The following SEMA3E variants were observed in gnomAD, a reference collection of about 807,000 sequenced individuals.
SEMA3E encodes semaphorin-3E.
Under a neutral mutation model 93.6 loss-of-function variants are expected in SEMA3E, and 49 were observed. The ratio of observed to expected loss-of-function variants is 0.52; its 90% CI spans 0.42 to 0.66. The LOEUF (loss-of-function observed/expected upper bound fraction) is 0.66, where lower values mean the gene tolerates loss of function less well. Ranked by LOEUF, SEMA3E falls within the 30% of genes least tolerant of loss-of-function variation. The pLI is 0.00. For missense variants in SEMA3E, 906 were observed against 964.8 expected (o/e 0.94, Z 0.81); for synonymous variants, 363 against 330.7 (o/e 1.10, Z -1.06).
chr7:83,402,453 CA>C (rs1788249750), intron 10 of SEMA3E, among the ~76,000 whole-genome samples, 178 bp downstream of exon 10: 1 of 151,790 alleles, frequency 6.6e-6, no homozygotes, highest in African/African-American at 2.4e-5. Context: ...TATTAAATAA[CA>C]AGGATAAAAC....
intron 5 of SEMA3E, 146 bp downstream of exon 5, chr7:83,418,244 A>G (rs1390818981): frequency 4.3e-6 from 3 of 691,162 alleles, no homozygotes; most frequent in Non-Finnish European, 7.8e-6. Context: ...ATGGCTTGAA[A>G]TTTAATATCA....
intron 11 of SEMA3E, among the ~76,000 whole-genome samples, chr7:83,399,494 T>C (rs943931763): frequency 6.6e-6 from 1 of 152,154 alleles, no homozygotes; most frequent in African/African-American, 2.4e-5. Flanking sequence ...GGTGAAGGTA[T>C]TGTCCCAAGT....
chr7:83,648,449 G>A lies in SEMA3E; in HGVS notation c.94C>T (p.Arg32Trp), dbSNP rs774777538. 7 of 1,609,976 alleles carry A rather than the reference G, an allele frequency of 4.3e-6. No homozygotes were observed. In the African/African-American group the frequency reaches 8.1e-5, roughly 19 times the overall value. Residue 32 changes from arginine (R) to tryptophan (W), a missense_variant, in exon 1 of 17, where the codon CGG becomes TGG. Arg to Trp is a moderately radical substitution (Grantham distance 101). Transcript: ENST00000643230. ...CTACCTTTATGTGACAGGCGTAACC[G>A]GGGGTGGGTAGTATCAGCTGTATGA... is the stretch of plus-strand genomic sequence containing the variant. The part of the protein sequence containing the change: ...GGHTADTTHP[R>W]LRLSHKELLN...
At chr7:83,545,672 T>A (rs912082403) in intron 1 of SEMA3E, among the ~76,000 whole-genome samples, 5 of 150,916 alleles carry the variant, frequency 3.3e-5, no homozygotes, top group Non-Finnish European at 3.0e-5. Context: ...CTCTCTTGCC[T>A]CTACTGGGGA....
intron 4 of SEMA3E, among the ~76,000 whole-genome samples, chr7:83,453,218 C>CG (rs1410136728): frequency 6.6e-6 from 1 of 151,938 alleles, no homozygotes; most frequent in Non-Finnish European, 1.5e-5. Flanking sequence ...CTAGTAGAGA[C>CG]GGGGTTTCAC....
chr7:83,414,234 T>A (rs1399133578), intron 5 of SEMA3E, among the ~76,000 whole-genome samples: 1 of 152,168 alleles, frequency 6.6e-6, no homozygotes, highest in Non-Finnish European at 1.5e-5. Context: ...AGACAAATAT[T>A]CTAACTTCAT....
At position 83,423,230 on chromosome 7, in the gene SEMA3E, A is replaced by G. The variant is rs375936145; in HGVS notation, c.457-4747T>C. On this transcript the variant is annotated intron_variant, in intron 4 of 16. Transcript: ENST00000643230. ...TCTACCTTAGTCTGTGAAAGGATAT[A>G]TTCTTTTATAAAAATCTCAAGTTTG... 3.2e-4 allele frequency among the ~76,000 whole-genome samples: 48 copies of G among 152,316 alleles called. 1 individual carries two copies. The highest frequency in any genetic ancestry group is 1.1e-3 in the African/African-American group (46 of 41,576).
At chr7:83,496,344 TATAAATA>T (rs1181340628) in intron 1 of SEMA3E, among the ~76,000 whole-genome samples, 1 of 152,038 alleles carries the variant, frequency 6.6e-6, no homozygotes, top group African/African-American at 2.4e-5. Flanking sequence ...CAGAGCCTGA[TATAAATA>T]ATAAGATAGA....
chr7:83,515,305 A>G (rs182976434), intron 1 of SEMA3E, among the ~76,000 whole-genome samples: 15 of 152,226 alleles, frequency 9.9e-5, no homozygotes, highest in Admixed American at 9.2e-4. Flanking sequence ...AAAAAAAAAA[A>G]AAAAGAAATG....
At chr7:83,537,606 G>C (rs1791433164) in intron 1 of SEMA3E, among the ~76,000 whole-genome samples, 1 of 152,152 alleles carries the variant, frequency 6.6e-6, no homozygotes, top group African/African-American at 2.4e-5. Flanking sequence ...AAATTTTAAT[G>C]CTGTAACTTT....
intron 16 of SEMA3E, among the ~76,000 whole-genome samples, chr7:83,383,132 C>T (rs1439766719): frequency 6.6e-6 from 1 of 151,652 alleles, no homozygotes. Flanking sequence ...TGATGAGCAT[C>T]GTCAGGGGTA....
At chr7:83,629,187 C>A (rs1283806038) in intron 1 of SEMA3E, among the ~76,000 whole-genome samples, 2 of 152,208 alleles carry the variant, frequency 1.3e-5, no homozygotes, top group Non-Finnish European at 2.9e-5. Flanking sequence ...GAAGCTTCAT[C>A]TGAGAGGGGC....
chr7:83,536,651 G>A (rs1033070921), intron 1 of SEMA3E, among the ~76,000 whole-genome samples: 1 of 151,948 alleles, frequency 6.6e-6, no homozygotes, highest in African/African-American at 2.4e-5. Context: ...AAAACTTTGG[G>A]AAGATTAGCT....
Position 83,525,008 on chromosome 7 carries a change from C to A in SEMA3E, c.116-34734G>T, listed in dbSNP as rs543274303. Among the ~76,000 whole-genome samples, 3 of 152,082 alleles carry A rather than the reference C, an allele frequency of 2.0e-5. No homozygotes were observed. The South Asian group carries it at 6.2e-4, about 32-fold the overall frequency. ...TGGCTACTCTTTCTTGGCTAATCAT[C>A]CTGTTTTACTGAAGTACATCATCTA... is the stretch of plus-strand genomic sequence containing the variant. On this transcript the variant is annotated intron_variant, in intron 1 of 16. Transcript: ENST00000643230.
intron 1 of SEMA3E, among the ~76,000 whole-genome samples, chr7:83,572,624 C>T (rs567564407): frequency 1.5e-4 from 22 of 151,496 alleles, no homozygotes; most frequent in Non-Finnish European, 2.2e-4. Context: ...GGAGATGGAG[C>T]GAGACTCCAT....
At chr7:83,540,661 C>A (rs11973648) in intron 1 of SEMA3E, among the ~76,000 whole-genome samples, 33,526 of 152,058 alleles carry the variant, frequency 0.22, 3,889 homozygotes, top group East Asian at 0.39. Context: ...GTTTTCAACA[C>A]AAATGCAAAA....
Position 83,421,320 on chromosome 7 carries a change from TCA to T in SEMA3E, c.457-2839_457-2838del, listed in dbSNP as rs1788666164. ...AATATTTCAATTTTAATATAAGGCT[TCA>T]CACAGATAATGAAAATTAATATTTT... On this transcript the variant is annotated intron_variant, in intron 4 of 16. Transcript: ENST00000643230. 1.4e-5 allele frequency among the ~76,000 whole-genome samples: 2 copies of T among 141,672 alleles called. 1 individual carries two copies. The highest frequency in any genetic ancestry group is 1.4e-4 in the Admixed American group (2 of 14,232). The allele number at this position is 141,672 out of a possible 152,430, so 92.9% of individuals were successfully genotyped here. A position where few individuals can be genotyped will look rare whatever the true frequency, so the allele number is the denominator to read the frequency against.
intron 1 of SEMA3E, among the ~76,000 whole-genome samples, chr7:83,541,593 A>G (rs1791532669): frequency 6.6e-6 from 1 of 152,188 alleles, no homozygotes; most frequent in Non-Finnish European, 1.5e-5. Flanking sequence ...AAGCAGCAAC[A>G]AGATAATAAC....
chr7:83,598,681 T>A (rs1467301360), intron 1 of SEMA3E, among the ~76,000 whole-genome samples: 4 of 152,166 alleles, frequency 2.6e-5, no homozygotes, highest in Non-Finnish European at 5.9e-5. Flanking sequence ...AAGTCCAATC[T>A]TGTCTTAAAG....
Sources: gnomAD v4.1 joint callset for allele counts (sites outside exome capture counted in the v4.1 genomes callset) on GRCh38, gnomAD v4.1.1 for gene constraint, MANE v1.5 for transcripts, NCBI Gene and HGNC (gene_info 2026-07-23, HGNC 2026-07-21) for gene names.